The following RABGAP1L variants were observed in gnomAD, a reference collection of about 807,000 sequenced individuals.
RABGAP1L encodes RAB GTPase activating protein 1 like, also known as rab GTPase-activating protein 1-like.
Under a neutral mutation model 137.7 loss-of-function variants are expected in RABGAP1L, and 63 were observed. The ratio of observed to expected loss-of-function variants is 0.46; its 90% CI spans 0.37 to 0.56. RABGAP1L has a LOEUF of 0.56. Among genes scored for constraint, RABGAP1L ranks in the 20% least tolerant of loss-of-function variants. The pLI is 0.00. For synonymous variants in RABGAP1L, 431 were observed against 433.7 expected (o/e 0.99, Z 0.08); for missense variants, 1,095 against 1,244.0 (o/e 0.88, Z 1.80).
chr1:174,867,452 G>A (rs1186358488), intron 19 of RABGAP1L, among the ~76,000 whole-genome samples: 2 of 152,086 alleles, frequency 1.3e-5, no homozygotes, highest in African/African-American at 4.8e-5. Flanking sequence ...TAAGATAAGA[G>A]AAATATAGAG....
intron 13 of RABGAP1L, among the ~76,000 whole-genome samples, chr1:174,611,392 T>C (rs900898029): frequency 3.9e-5 from 6 of 152,112 alleles, no homozygotes; most frequent in Admixed American, 1.3e-4. Flanking sequence ...TTCTGAGGGC[T>C]CTGTTCTGTT....
chr1:174,175,282 A>G (rs957384415), intron 1 of RABGAP1L, among the ~76,000 whole-genome samples: 2 of 152,180 alleles, frequency 1.3e-5, no homozygotes, highest in African/African-American at 2.4e-5. Flanking sequence ...TTTAGAGAGC[A>G]TGAACCATGT....
Position 174,250,475 on chromosome 1 carries a change from G to T in RABGAP1L, c.718G>T (p.Val240Leu). The change falls in exon 6 of 26, where the codon GTA (valine) becomes TTA (leucine). Residue 240 changes from valine to leucine, a missense_variant and splice_region_variant. Coordinates refer to ENST00000681986, the MANE Select transcript of RABGAP1L (RefSeq NM_001366446.1). ...HVFSCEIKEA[V>L]SRILYSFCTA... ...GGTATTTCCTTTTTTATTCTTTTAG[G>T]TAAGCAGAATTTTGTACAGTTTCTG... 2 of 1,598,328 alleles carry T rather than the reference G, an allele frequency of 1.3e-6. No homozygotes were observed. The highest frequency in any genetic ancestry group is 1.7e-6 in the Non-Finnish European group (2 of 1,171,308).
intron 15 of RABGAP1L, among the ~76,000 whole-genome samples, chr1:174,685,543 G>A (rs1002319792): frequency 3.7e-5 from 4 of 108,052 alleles, no homozygotes; most frequent in South Asian, 2.7e-4. Flanking sequence ...GTGAGCCACC[G>A]CGCCGGCCTT....
At position 174,988,646 on chromosome 1, in the gene RABGAP1L, G is replaced by A. The variant is rs1045602832; in HGVS notation, c.2811G>A (p.Lys937=). The change falls in exon 25 of 26, where the codon AAG becomes AAA. Residue 937 remains lysine, a synonymous_variant. Transcript: ENST00000681986. ...SKEELEVVKG[K]MMACKHCSDI... ...ATCTCTTTTGGATACTTTAGGGTAA[G>A]ATGATGGCATGCAAACACTGCAGTG... 4 of 1,539,970 alleles carry A rather than the reference G, an allele frequency of 2.6e-6. No individual in the cohort carries two copies. Among genetic ancestry groups the A allele is most frequent in the Non-Finnish European group, 3.5e-6 (4 of 1,142,428 alleles).
intron 13 of RABGAP1L, among the ~76,000 whole-genome samples, chr1:174,524,415 AT>A (rs899392180): frequency 1.3e-5 from 2 of 151,804 alleles, no homozygotes; most frequent in African/African-American, 2.4e-5. Context: ...GATGTTGAAC[AT>A]TTTTTTATAT....
At chr1:174,446,335 AAAGAAG>A (rs1206587339) in intron 13 of RABGAP1L, among the ~76,000 whole-genome samples, 2 of 152,216 alleles carry the variant, frequency 1.3e-5, no homozygotes, top group African/African-American at 4.8e-5. Flanking sequence ...GGCTATTATA[AAAGAAG>A]AAGGACTTGC....
At chr1:174,467,347 A>C (rs1022824279) in intron 13 of RABGAP1L, among the ~76,000 whole-genome samples, 1 of 152,032 alleles carries the variant, frequency 6.6e-6, no homozygotes, top group Non-Finnish European at 1.5e-5. Context: ...AAGATTAATA[A>C]TACTACCAGA....
intron 17 of RABGAP1L, among the ~76,000 whole-genome samples, chr1:174,749,440 C>T (rs1684162672): frequency 6.6e-6 from 1 of 151,948 alleles, no homozygotes; most frequent in South Asian, 2.1e-4. Context: ...AGCACTCCTC[C>T]TGCCTCAGCC....
intron 1 of RABGAP1L, among the ~76,000 whole-genome samples, chr1:174,213,858 T>C (rs143619270): frequency 1.3e-5 from 2 of 152,356 alleles, no homozygotes; most frequent in Admixed American, 6.5e-5. Flanking sequence ...ATAAAAGCCA[T>C]GTATGAGAGA....
chr1:174,543,116 G>C (rs1665632348), intron 13 of RABGAP1L, among the ~76,000 whole-genome samples: 1 of 152,144 alleles, frequency 6.6e-6, no homozygotes, highest in Admixed American at 6.5e-5. Context: ...AGATCTGGTT[G>C]GTGCAGAGCT....
chr1:174,282,820 T>C (rs1043658428), intron 10 of RABGAP1L, among the ~76,000 whole-genome samples: 4 of 152,172 alleles, frequency 2.6e-5, no homozygotes, highest in African/African-American at 9.7e-5. Context: ...ACCTCTCTCA[T>C]GTGGGTATAC....
intron 19 of RABGAP1L, among the ~76,000 whole-genome samples, chr1:174,844,002 G>GT (rs1222062262): frequency 1.4e-5 from 2 of 144,834 alleles, no homozygotes; most frequent in African/African-American, 2.5e-5. Context: ...TTTTTCATGT[G>GT]TTTTTTGGCT....
chr1:174,536,846 A>G (rs1664932208), intron 13 of RABGAP1L, among the ~76,000 whole-genome samples: 1 of 152,172 alleles, frequency 6.6e-6, no homozygotes, highest in South Asian at 2.1e-4. Flanking sequence ...TTAAATAATT[A>G]CTTTTTTCCT....
chr1:174,229,110 A>G (rs1670424749), intron 3 of RABGAP1L, among the ~76,000 whole-genome samples: 2 of 152,218 alleles, frequency 1.3e-5, no homozygotes, highest in African/African-American at 4.8e-5. Context: ...TTTTGAGGAA[A>G]AAAATTCCAT....
In RABGAP1L at chr1:174,861,012, TGTA is replaced by T. The variant is rs532972551; in HGVS notation, c.2340+49055_2340+49057del. Among the ~76,000 whole-genome samples the T allele has an allele frequency of 2.6e-5, 4 of 152,264 alleles. No homozygotes were observed. The South Asian group carries it at 8.3e-4, about 32-fold the overall frequency. On this transcript the variant is annotated intron_variant, in intron 19 of 25. Transcript: ENST00000681986. Reference sequence around the variant, plus strand: ...AATATACAGTAGAGTATCATGAACTTGTAGTCACCATACTGTATATTAGATCCT... The same window carrying T: ...AATATACAGTAGAGTATCATGAACTTGTCACCATACTGTATATTAGATCCT...
At chr1:174,924,276 A>T (rs1392140835) in intron 19 of RABGAP1L, among the ~76,000 whole-genome samples, 2 of 150,162 alleles carry the variant, frequency 1.3e-5, no homozygotes, top group Non-Finnish European at 3.0e-5. Flanking sequence ...AGTCCCAGCT[A>T]CTTGGGAGGC....
chr1:174,742,996 T>A (rs975711138), intron 17 of RABGAP1L, among the ~76,000 whole-genome samples: 8 of 152,324 alleles, frequency 5.3e-5, no homozygotes, highest in African/African-American at 1.9e-4. Context: ...GCTTGACATA[T>A]GATGAATATG....
In RABGAP1L at chr1:174,315,710, T is replaced by G. The variant is rs958740902; in HGVS notation, c.1465+10583T>G. 2.6e-5 allele frequency among the ~76,000 whole-genome samples: 4 copies of G among 151,880 alleles called. No homozygotes were observed. In the East Asian group the frequency reaches 7.7e-4, roughly 29 times the overall value. On this transcript the variant is annotated intron_variant, in intron 11 of 25. Coordinates refer to ENST00000681986, the MANE Select transcript of RABGAP1L (RefSeq NM_001366446.1). ...TCCTTAGCCTTTGGGAGTTTGATTA[T>G]CAAATGCCTTGACATAGTCTTCTTT...
Sources: gnomAD v4.1 joint callset for allele counts (sites outside exome capture counted in the v4.1 genomes callset) on GRCh38, gnomAD v4.1.1 for gene constraint, MANE v1.5 for transcripts, NCBI Gene and HGNC (gene_info 2026-07-23, HGNC 2026-07-21) for gene names.